Variants in TNRC6C observed in about 807,000 individuals in gnomAD.
TNRC6C encodes trinucleotide repeat containing adaptor 6C.
A neutral mutation model predicts 153.7 loss-of-function variants in TNRC6C; 20 were observed. The ratio of observed to expected loss-of-function variants is 0.13; its 90% confidence interval spans 0.09 to 0.19. The LOEUF is 0.19. Ranked by LOEUF, TNRC6C falls within the 10% of genes least tolerant of loss-of-function variation. TNRC6C has a pLI of 1.00. For synonymous variants in TNRC6C, 811 were observed against 841.4 expected, an observed-to-expected ratio of 0.96 and a Z score of 0.63; for missense variants, 1,987 against 2,172.0, an observed-to-expected ratio of 0.91 and a Z score of 1.69.
chr17:77,973,456 T>G (rs2070957676), intron 1 of TNRC6C, among the ~76,000 whole-genome samples: 1 of 152,226 alleles, frequency 6.6e-6, no homozygotes, highest in Non-Finnish European at 1.5e-5. Flanking sequence ...ATCAGTTCAA[T>G]GCTATTCAGC....
chr17:77,983,616 A>T (rs766452807), intron 1 of TNRC6C, among the ~76,000 whole-genome samples: 11 of 152,182 alleles, frequency 7.2e-5, no homozygotes, highest in Non-Finnish European at 1.2e-4. Flanking sequence ...CTGAGGTTCT[A>T]ATTGAGGTCA....
chr17:77,981,861 A>G (rs370763692), intron 1 of TNRC6C, among the ~76,000 whole-genome samples: 5 of 152,170 alleles, frequency 3.3e-5, no homozygotes, highest in East Asian at 3.8e-4. Flanking sequence ...CAAAGCTTAC[A>G]TTTATTGTCT....
In TNRC6C at chr17:78,049,924, G is replaced by T. The variant is rs752292297; in HGVS notation, c.862G>T (p.Val288Leu). The T allele has an allele frequency of 1.3e-5, 21 of 1,613,956 alleles. No homozygotes were observed. The highest frequency in any genetic ancestry group is 8.5e-7 in the Non-Finnish European group (1 of 1,179,906). The change falls in exon 3 of 20, where the codon GTG (valine) becomes TTG (leucine). Residue 288 changes from valine (V) to leucine (L), a missense_variant. By Grantham distance (32) the Val-to-Leu change is conservative. Transcript: ENST00000301624. This position sits in a 1 kb window ranked among gnomAD's most constrained non-coding sequence, Gnocchi z 4.1. ...TAAACAAAATGGATCCAGCAGTGCT[G>T]TGCAAAAGGAAGGAAGTGGAGGAAA...
Position 78,087,093 on chromosome 17 carries a change from G to T in TNRC6C, c.3802G>T (p.Ala1268Ser), listed in dbSNP as rs370052385. 2 of 1,612,574 alleles carry T rather than the reference G, an allele frequency of 1.2e-6. No homozygotes were observed. The highest frequency in any genetic ancestry group is 8.5e-7 in the Non-Finnish European group (1 of 1,179,602). The change falls in exon 13 of 20, where the codon GCT (alanine) becomes TCT (serine). Residue 1268 changes from alanine (A) to serine (S), a missense_variant and splice_region_variant. Physicochemically the swap from Ala to Ser is moderately conservative, Grantham distance 99. This residue lies in a region of TNRC6C where 765 missense variants were observed against 908.6 expected (regional missense o/e 0.84). Transcript: ENST00000301624. ...CAACACCTTTGCTCCTTACCCTCTC[G>T]GTGAGTGTCCCATGGTCTTCAACAG... is the stretch of plus-strand genomic sequence containing the variant.
At chr17:77,982,152 G>T (rs1023708906) in intron 1 of TNRC6C, among the ~76,000 whole-genome samples, 4 of 152,102 alleles carry the variant, frequency 2.6e-5, no homozygotes, top group African/African-American at 9.7e-5. Flanking sequence ...TGACCATGAT[G>T]GAACCCTGGT....
At chr17:78,086,327 C>T (rs1013680634) in intron 11 of TNRC6C, among the ~76,000 whole-genome samples, 176 bp from the exon 14 acceptor site, 17 of 49,574 alleles carry the variant, frequency 3.4e-4, no homozygotes, top group African/African-American at 1.2e-3. Flanking sequence ...GAGACTCCAT[C>T]TAAAAAAAAA....
In TNRC6C at chr17:78,075,226, G is replaced by A. The variant is rs773162047; in HGVS notation, c.3008G>A (p.Arg1003His). 3.1e-6 allele frequency: 5 copies of A among 1,590,438 alleles called. No homozygotes were observed. The highest frequency in any genetic ancestry group is 2.3e-5 in the South Asian group (2 of 88,020). The change falls in exon 8 of 20, where the codon CGC (arginine) becomes CAC (histidine). Residue 1003 changes from arginine (R) to histidine (H), a missense_variant. Around this residue, in one of 4 missense-constraint regions of TNRC6C, gnomAD observed 765 missense variants for 908.6 expected, o/e 0.84. Transcript: ENST00000301624. The surrounding 1 kb of genome is among the most constrained non-coding windows in gnomAD (Gnocchi z 4.2). Reference sequence around the variant, plus strand: ...ATGGCCGCCAAGCCCCTCGGCTGCCGCCCGCCAATCTCCAAAGAGTCTTCC... The same window carrying A: ...ATGGCCGCCAAGCCCCTCGGCTGCCACCCGCCAATCTCCAAAGAGTCTTCC...
chr17:78,005,079 G>C (rs1370479568), exon 1 of TNRC6C: 1 of 1,222,828 alleles, frequency 8.2e-7, no homozygotes, highest in Non-Finnish European at 1.0e-6. Context: ...AAAAACCAAA[G>C]GTAAGTTTAT....
intron 13 of TNRC6C, among the ~76,000 whole-genome samples, chr17:78,090,911 T>A (rs1230250650): frequency 6.6e-6 from 1 of 152,214 alleles, no homozygotes; most frequent in Non-Finnish European, 1.5e-5. Flanking sequence ...ACTTTAGAGT[T>A]CTGGAAAAGT....
chr17:78,077,635 G>T, intron 9 of TNRC6C: 1 of 405,442 alleles, frequency 2.5e-6, no homozygotes, highest in Non-Finnish European at 4.5e-6. Context: ...GTGGTCTTCG[G>T]CTGCCGGATG....
intron 2 of TNRC6C, among the ~76,000 whole-genome samples, chr17:78,034,813 A>T (rs1042089990): frequency 6.6e-6 from 1 of 152,124 alleles, no homozygotes; most frequent in African/African-American, 2.4e-5. Context: ...TGCAAAAAGT[A>T]CAAAAATTAG....
intron 1 of TNRC6C, among the ~76,000 whole-genome samples, chr17:77,995,603 A>G (rs1018998370): frequency 6.6e-6 from 1 of 152,186 alleles, no homozygotes; most frequent in African/African-American, 2.4e-5. Flanking sequence ...CAAACAATGA[A>G]ATCCCAAGCA....
chr17:78,012,922 AG>A (rs1230913064), intron 1 of TNRC6C, among the ~76,000 whole-genome samples: 1 of 152,220 alleles, frequency 6.6e-6, no homozygotes, highest in Non-Finnish European at 1.5e-5. Context: ...TGTTTTTAAA[AG>A]TAAGTGAGAG....
At chr17:78,006,527 T>C (rs1347723486) in intron 1 of TNRC6C, among the ~76,000 whole-genome samples, 23 of 140,736 alleles carry the variant, frequency 1.6e-4, no homozygotes, top group African/African-American at 5.6e-4. Flanking sequence ...TTCTTCTTCT[T>C]CTTCTTCTTC....
chr17:77,958,981 C>T (rs976970127), upstream of TNRC6C, among the ~76,000 whole-genome samples: 19 of 145,108 alleles, frequency 1.3e-4, no homozygotes, highest in African/African-American at 4.4e-4. Context: ...GGACCCGGAC[C>T]CCGCCGGAGC....
chr17:78,028,412 T>C (rs2071989197), intron 1 of TNRC6C, among the ~76,000 whole-genome samples: 1 of 152,164 alleles, frequency 6.6e-6, no homozygotes, highest in Non-Finnish European at 1.5e-5. Context: ...GCCAGGACCA[T>C]GCATTCGTAG....
At position 77,973,671 on chromosome 17, in the gene TNRC6C, A is replaced by G. The variant is rs142344823; in HGVS notation, c.-38+14403A>G. Among the ~76,000 whole-genome samples, 343 of 152,342 alleles carry G rather than the reference A, an allele frequency of 2.3e-3. 1 individual carries two copies. The highest frequency in any genetic ancestry group is 4.2e-3 in the Non-Finnish European group (289 of 68,036). ...CAGCTTACAAGACCAGTGTTTGAAA[A>G]TCATTTGTGTTTCTTGATGCTGGCA... On this transcript the variant is annotated intron_variant, in intron 1 of 22. Coordinates refer to the TNRC6C transcript ENST00000636222.
intron 1 of TNRC6C, among the ~76,000 whole-genome samples, chr17:77,977,900 T>TG: frequency 6.9e-6 from 1 of 144,258 alleles, no homozygotes; most frequent in East Asian, 2.0e-4. Flanking sequence ...TCTTTTTTTT[T>TG]TTTTTTTTTT....
exon 20 of TNRC6C, chr17:78,107,703 C>T: frequency 6.6e-6 from 1 of 152,198 alleles, no homozygotes; most frequent in East Asian, 1.9e-4. Flanking sequence ...AGCTTTCCAG[C>T]TCTCCACCCC....
Sources: allele counts gnomAD v4.1 joint callset (sites outside exome capture counted in the v4.1 genomes callset), GRCh38; gene constraint gnomAD v4.1.1; regional missense constraint gnomAD v4.1.1; non-coding constraint Gnocchi (gnomAD v3.1); transcripts MANE v1.5; gene names NCBI Gene and HGNC (gene_info 2026-07-23, HGNC 2026-07-21).